Variants in PTPRD observed in about 807,000 individuals in gnomAD.
PTPRD encodes the protein receptor-type tyrosine-protein phosphatase delta.
In PTPRD, 34 loss-of-function variants were observed where a neutral mutation model predicts 214.5. The observed-to-expected ratio is 0.16, with a 90% CI of 0.12 to 0.21. The LOEUF (loss-of-function observed/expected upper bound fraction) is 0.21. Ranked by LOEUF, PTPRD falls within the 10% of genes least tolerant of loss-of-function variation. The pLI, the probability that PTPRD is intolerant of heterozygous loss-of-function variation, is 1.00. For missense variants in PTPRD, 2,545 were observed against 2,398.7 expected, an observed-to-expected ratio of 1.06 and a Z score of -1.27; for synonymous variants, 1,128 against 845.7, an observed-to-expected ratio of 1.33 and a Z score of -5.79.
chr9:8,386,727 T>C (rs1015679837), intron 37 of PTPRD, among the ~76,000 whole-genome samples: 2 of 152,210 alleles, frequency 1.3e-5, no homozygotes, highest in African/African-American at 4.8e-5. Flanking sequence ...CCCCTAGTTA[T>C]AACATTGTTT....
At chr9:10,210,184 A>G (rs2099508953) in intron 3 of PTPRD, among the ~76,000 whole-genome samples, 1 of 152,162 alleles carries the variant, frequency 6.6e-6, no homozygotes, top group Admixed American at 6.6e-5. Context: ...TGAAAAATAT[A>G]AAGTACCATG....
At chr9:8,980,172 TA>T (rs908933083) in intron 11 of PTPRD, among the ~76,000 whole-genome samples, 1 of 151,644 alleles carries the variant, frequency 6.6e-6, no homozygotes, top group South Asian at 2.1e-4. Context: ...TGAATTTTTT[TA>T]AAAAAAGAAG....
intron 8 of PTPRD, among the ~76,000 whole-genome samples, chr9:9,464,959 T>C (rs1203846190): frequency 6.6e-6 from 1 of 152,146 alleles, no homozygotes; most frequent in Non-Finnish European, 1.5e-5. Flanking sequence ...TTTTGCATAT[T>C]TTAGGGTAGG....
chr9:10,149,319 G>A (rs1041950683), intron 3 of PTPRD, among the ~76,000 whole-genome samples: 3 of 152,300 alleles, frequency 2.0e-5, no homozygotes, highest in Non-Finnish European at 2.9e-5. Context: ...TAAACTGGGA[G>A]AATCTGGGCC....
At chr9:10,092,878 C>T (rs894681149) in intron 3 of PTPRD, among the ~76,000 whole-genome samples, 1 of 151,576 alleles carries the variant, frequency 6.6e-6, no homozygotes, top group East Asian at 1.9e-4. Flanking sequence ...ATTAATGGTG[C>T]TGGGATAACT....
intron 8 of PTPRD, among the ~76,000 whole-genome samples, chr9:9,512,712 G>C (rs2096739026): frequency 6.6e-6 from 1 of 151,158 alleles, no homozygotes; most frequent in African/African-American, 2.4e-5. Flanking sequence ...CTAACCCTGG[G>C]GACTATACAC....
intron 12 of PTPRD, among the ~76,000 whole-genome samples, chr9:8,642,473 C>T (rs974499505): frequency 6.6e-6 from 1 of 152,134 alleles, no homozygotes; most frequent in Admixed American, 6.5e-5. Flanking sequence ...TGGGAACATG[C>T]AGGTACCCCT....
chr9:8,785,464 CT>C (rs1239138757), intron 11 of PTPRD, among the ~76,000 whole-genome samples: 1 of 152,268 alleles, frequency 6.6e-6, no homozygotes, highest in East Asian at 1.9e-4. Flanking sequence ...CCTGAATATC[CT>C]TTTGATGACC....
chr9:9,415,801 G>A (rs1569568122), intron 8 of PTPRD, among the ~76,000 whole-genome samples: 1 of 152,146 alleles, frequency 6.6e-6, no homozygotes. Flanking sequence ...AGATACAAGT[G>A]TTTAGAAGAG....
chr9:8,635,200 A>G (rs543513779), intron 13 of PTPRD, among the ~76,000 whole-genome samples: 5 of 151,122 alleles, frequency 3.3e-5, no homozygotes, highest in African/African-American at 1.2e-4. Flanking sequence ...TATGACTCTC[A>G]TGGGGAATTA....
chr9:8,420,810 T>C (rs1352388339), intron 35 of PTPRD, among the ~76,000 whole-genome samples: 1 of 120,336 alleles, frequency 8.3e-6, no homozygotes, highest in East Asian at 3.5e-4. Flanking sequence ...TTTCTTTTTT[T>C]TTTTTTTTAA....
rs144575788 is a variant in PTPRD, at chr9:10,184,943, A to T, written c.-544-151153T>A. ...TAAAGCACATGTAATAAAGGTCTAT[A>T]ACCACAGCAGTGTTTGTGAAAGTGA... On this transcript the variant is annotated intron_variant, in intron 3 of 45. Transcript: ENST00000381196. 2.8e-4 allele frequency among the ~76,000 whole-genome samples: 43 copies of T among 152,346 alleles called. No individual in the cohort carries two copies. In the East Asian group the frequency reaches 6.2e-3, roughly 22 times the overall value.
chr9:8,743,767 C>G (rs923704261), intron 11 of PTPRD, among the ~76,000 whole-genome samples: 2 of 149,190 alleles, frequency 1.3e-5, no homozygotes, highest in Non-Finnish European at 3.0e-5. Context: ...CTTAATTCAA[C>G]TAAAAAAGCT....
At chr9:9,890,878 T>G (rs572570735) in intron 5 of PTPRD, among the ~76,000 whole-genome samples, 66 of 152,300 alleles carry the variant, frequency 4.3e-4, no homozygotes, top group Admixed American at 1.4e-3. Flanking sequence ...TCTTATCCTA[T>G]TTAATTCCAA....
chr9:9,769,766 C>G (rs977095413), intron 5 of PTPRD, among the ~76,000 whole-genome samples: 1 of 152,086 alleles, frequency 6.6e-6, no homozygotes, highest in East Asian at 1.9e-4. Context: ...CCTAGCCCCC[C>G]ACCCACCAAC....
rs548441254 is a variant in PTPRD at position 9,015,317 on chromosome 9, G to A, written c.-104+3380C>T. ...TCATAAAGACGTTGCTGATAAAATA[G>A]GTTGCAGTAAAGGAGCTGGCCAAAA... On this transcript the variant is annotated intron_variant, in intron 11 of 45. Coordinates refer to ENST00000381196, the MANE Select transcript of PTPRD (RefSeq NM_002839.4). Among the ~76,000 whole-genome samples, 3 of 152,196 alleles carry A rather than the reference G, an allele frequency of 2.0e-5. No homozygotes were observed. The South Asian group carries it at 6.2e-4, about 32-fold the overall frequency.
intron 2 of PTPRD, among the ~76,000 whole-genome samples, chr9:10,611,524 C>T (rs994715798): frequency 6.6e-6 from 1 of 152,130 alleles, no homozygotes. Context: ...AACTTATTAA[C>T]CCTTTTGTAG....
At chr9:9,432,396 A>G (rs1490504446) in intron 8 of PTPRD, among the ~76,000 whole-genome samples, 1 of 152,182 alleles carries the variant, frequency 6.6e-6, no homozygotes, top group African/African-American at 2.4e-5. Flanking sequence ...CAAAGGAACT[A>G]AAAGACAAAC....
chr9:10,203,169 C>CTTTT (rs60069193), intron 3 of PTPRD, among the ~76,000 whole-genome samples: 1,370 of 119,832 alleles, frequency 0.011, 27 homozygotes, highest in African/African-American at 0.04. Flanking sequence ...CCCTCTCTCT[C>CTTTT]TTTTTTTTTT....
Sources: gnomAD v4.1 joint callset for allele counts (sites outside exome capture counted in the v4.1 genomes callset) on GRCh38, gnomAD v4.1.1 for gene constraint, MANE v1.5 for transcripts, NCBI Gene and HGNC (gene_info 2026-07-23, HGNC 2026-07-21) for gene names.